CHCHD4: variants seen among roughly 807,000 people sequenced by gnomAD.
CHCHD4 encodes mitochondrial intermembrane space import and assembly protein 40.
CHCHD4 carries 7 observed loss-of-function variants against 12.4 expected under a neutral mutation model. The ratio of observed to expected loss-of-function variants is 0.57; its 90% CI spans 0.32 to 1.06. The LOEUF (loss-of-function observed/expected upper bound fraction) is 1.06, where lower values mean the gene tolerates loss of function less well. CHCHD4 is among the 50% of genes least tolerant of loss of function. CHCHD4 has a pLI of 0.04. For synonymous variants in CHCHD4, 56 were observed against 58.0 expected, an observed-to-expected ratio of 0.97 and a Z score of 0.16; for missense variants, 143 against 175.1, an observed-to-expected ratio of 0.82 and a Z score of 1.03.
In CHCHD4 at chr3:14,116,527, A is replaced by G. The variant is rs768435074; in HGVS notation, c.23-3T>C. ...TACAAATATGATTCGATCCTTCCCTAGTGTTTGGAGAACAGAGGAAGAAAT... is the reference window on the plus strand; with the variant it reads ...TACAAATATGATTCGATCCTTCCCTGGTGTTTGGAGAACAGAGGAAGAAAT... On this transcript the variant is annotated splice_region_variant and splice_polypyrimidine_tract_variant and intron_variant, in intron 1 of 2. Coordinates refer to ENST00000396914, the MANE Select transcript of CHCHD4 (RefSeq NM_001098502.2). 1 of 1,595,120 alleles carries G rather than the reference A, an allele frequency of 6.3e-7. No homozygotes were observed. The highest frequency in any genetic ancestry group is 2.2e-5 in the East Asian group (1 of 44,786).
At position 14,122,224 on chromosome 3, in the gene CHCHD4, C is replaced by T. The variant is rs142347663; in HGVS notation, c.22+2431G>A. ...TTCTCAGACCCCATAGAGCCTTTCA[C>T]TAAACGATCATAGCATGCTGGGCTT... On this transcript the variant is annotated intron_variant, in intron 1 of 2. Transcript: ENST00000396914. 1,701 of 1,238,776 alleles carry T rather than the reference C, an allele frequency of 1.4e-3. 19 individuals are homozygous for T. In the African/African-American group the frequency reaches 0.023, roughly 17 times the overall value. 76.7% of individuals were successfully genotyped at this position (1,238,776 alleles called of 1,614,324 possible). A position where few individuals can be genotyped will look rare whatever the true frequency, so the allele number is the denominator to read the frequency against.
intron 2 of CHCHD4, among the ~76,000 whole-genome samples, chr3:14,115,696 G>T (rs1234332625): frequency 6.6e-6 from 1 of 152,222 alleles, no homozygotes; most frequent in African/African-American, 2.4e-5. Context: ...CGAGGCGGCT[G>T]CTTCAAGCTC....
chr3:14,124,582 G>A, intron 1 of CHCHD4, 73 bp downstream of exon 1: 8 of 1,384,618 alleles, frequency 5.8e-6, no homozygotes, highest in Non-Finnish European at 7.5e-6. Flanking sequence ...CGGCGTGGTC[G>A]CGGGGCGCCG....
rs1306742669 is a variant in CHCHD4, at chr3:14,112,803, G to C, written c.*84C>G. On this transcript the variant is annotated 3_prime_UTR_variant, in exon 3 of 3. Coordinates refer to ENST00000396914, the MANE Select transcript of CHCHD4 (RefSeq NM_001098502.2). ...ATTATAATGCACAGGACAACAGAAG[G>C]AAACTTTCTTGGAAGGTGATGACAA... 1 of 1,287,674 alleles carries C rather than the reference G, an allele frequency of 7.8e-7. No homozygotes were observed. Among genetic ancestry groups the C allele is most frequent in the African/African-American group, 1.5e-5 (1 of 67,284 alleles). 79.8% of individuals were successfully genotyped at this position (1,287,674 alleles called of 1,614,324 possible). A position where few individuals can be genotyped will look rare whatever the true frequency, so the allele number is the denominator to read the frequency against.
chr3:14,122,059 T>C (rs1194421383), intron 1 of CHCHD4: 5 of 1,604,194 alleles, frequency 3.1e-6, no homozygotes, highest in Non-Finnish European at 4.2e-6. Context: ...GGAATAGACA[T>C]TCCAGAAGGA....
At chr3:14,124,511 C>G (rs950743824) in intron 1 of CHCHD4, 144 bp downstream of exon 1, 5 of 592,662 alleles carry the variant, frequency 8.4e-6, no homozygotes, top group Non-Finnish European at 1.3e-5. Flanking sequence ...GACCCCCCAG[C>G]CGGCCCGCCT....
chr3:14,114,872 T>G (rs1244327727), intron 2 of CHCHD4, among the ~76,000 whole-genome samples: 1 of 152,210 alleles, frequency 6.6e-6, no homozygotes, highest in East Asian at 1.9e-4. Context: ...ACATGCAGTC[T>G]AAGGCCTGAA....
chr3:14,120,115 T>C (rs912705182), intron 1 of CHCHD4, among the ~76,000 whole-genome samples: 6 of 152,034 alleles, frequency 3.9e-5, no homozygotes, highest in African/African-American at 1.5e-4. Flanking sequence ...CCCAGAACCT[T>C]GGTCAGAGTG....
chr3:14,115,886 G>C (rs1694871383), intron 2 of CHCHD4, among the ~76,000 whole-genome samples: 1 of 152,030 alleles, frequency 6.6e-6, no homozygotes, highest in African/African-American at 2.4e-5. Flanking sequence ...AAATCCTTTG[G>C]AACAATGTCC....
intron 1 of CHCHD4, 109 bp downstream of exon 1, chr3:14,124,546 G>T: frequency 9.8e-7 from 1 of 1,016,578 alleles, no homozygotes; most frequent in Non-Finnish European, 1.3e-6. Flanking sequence ...GTGGGCACCT[G>T]GGCCGCGCCT....
At chr3:14,122,723 G>A (rs776960997) in intron 1 of CHCHD4, among the ~76,000 whole-genome samples, 1 of 152,242 alleles carries the variant, frequency 6.6e-6, no homozygotes, top group Non-Finnish European at 1.5e-5. Flanking sequence ...TCTCAGCTTA[G>A]TGCGAGAAGA....
intron 1 of CHCHD4, among the ~76,000 whole-genome samples, chr3:14,120,028 C>A (rs1352828981): frequency 2.6e-5 from 4 of 152,186 alleles, no homozygotes; most frequent in Non-Finnish European, 5.9e-5. Context: ...GTCGAGTGCT[C>A]TCTGACTTAA....
chr3:14,115,113 T>A (rs1049546688), intron 2 of CHCHD4, among the ~76,000 whole-genome samples: 2 of 152,188 alleles, frequency 1.3e-5, no homozygotes, highest in African/African-American at 4.8e-5. Context: ...ACTTACTAAT[T>A]TTGCAGTTTA....
intron 1 of CHCHD4, among the ~76,000 whole-genome samples, chr3:14,120,440 C>G (rs542197531): frequency 1.6e-3 from 251 of 152,276 alleles, no homozygotes; most frequent in Non-Finnish European, 3.0e-3. Context: ...TACCTCTGGC[C>G]TTTGCACAGG....
intron 1 of CHCHD4, among the ~76,000 whole-genome samples, chr3:14,119,528 T>A (rs148791395): frequency 1.3e-5 from 2 of 150,922 alleles, no homozygotes; most frequent in East Asian, 4.0e-4. Context: ...AAGAAAGGAC[T>A]GGTCAGACTA....
rs1559355797 is a variant in CHCHD4 at position 14,112,773 on chromosome 3, T to C, written c.*114A>G. On this transcript the variant is annotated 3_prime_UTR_variant, in exon 3 of 3. Transcript: ENST00000396914. Reference sequence around the variant, plus strand: ...CTCTGATCATCAAAATAAGTTATTTTGTATATTATAATGCACAGGACAACA... The same window carrying C: ...CTCTGATCATCAAAATAAGTTATTTCGTATATTATAATGCACAGGACAACA... The C allele has an allele frequency of 1.1e-5, 10 of 950,792 alleles. No individual in the cohort carries two copies. Among genetic ancestry groups the C allele is most frequent in the Non-Finnish European group, 1.5e-5 (10 of 645,220 alleles). 58.9% of individuals were successfully genotyped at this position (950,792 alleles called of 1,614,324 possible).
intron 1 of CHCHD4, among the ~76,000 whole-genome samples, chr3:14,124,108 C>A (rs549923124): frequency 5.3e-5 from 8 of 152,324 alleles, no homozygotes; most frequent in African/African-American, 1.4e-4. Context: ...AAGGTCGCAG[C>A]GAGATCTGTG....
chr3:14,113,601 G>A (rs1694844175), intron 2 of CHCHD4, among the ~76,000 whole-genome samples: 1 of 152,008 alleles, frequency 6.6e-6, no homozygotes, highest in Non-Finnish European at 1.5e-5. Flanking sequence ...TGGATGATCA[G>A]GACCACCCCA....
intron 1 of CHCHD4, 96 bp downstream of exon 1, chr3:14,124,559 G>A: frequency 1.6e-6 from 2 of 1,212,496 alleles, no homozygotes; most frequent in Non-Finnish European, 2.2e-6. Context: ...CCGCGCCTCA[G>A]GTGGCCCGCG....
Sources: allele counts gnomAD v4.1 joint callset (sites outside exome capture counted in the v4.1 genomes callset), GRCh38; gene constraint gnomAD v4.1.1; transcripts MANE v1.5; gene names NCBI Gene and HGNC (gene_info 2026-07-23, HGNC 2026-07-21).